The following SGMS2 variants were observed in gnomAD, a reference collection of about 807,000 sequenced individuals.
SGMS2 encodes phosphatidylcholine:ceramide cholinephosphotransferase 2.
A neutral mutation model predicts 43.8 loss-of-function variants in SGMS2; 21 were observed. That is an observed-to-expected ratio of 0.48 (90% CI 0.34 to 0.69). The LOEUF (loss-of-function observed/expected upper bound fraction) is 0.69, where lower values mean the gene tolerates loss of function less well. Among genes scored for constraint, SGMS2 ranks in the 30% least tolerant of loss-of-function variants. The pLI is 0.01. For synonymous variants in SGMS2, 167 were observed against 160.6 expected, an observed-to-expected ratio of 1.04 and a Z score of -0.30; for missense variants, 384 against 443.2, an observed-to-expected ratio of 0.87 and a Z score of 1.20.
Position 107,914,876 on chromosome 4 carries a change from A to G in SGMS2, c.*4323A>G, listed in dbSNP as rs1490433428. Reference sequence around the variant, plus strand: ...TTATACTTCTATAATGTTGTCTTACATTTACATTTTTAAGTGCCTAATTGT... The same window carrying G: ...TTATACTTCTATAATGTTGTCTTACGTTTACATTTTTAAGTGCCTAATTGT... On this transcript the variant is annotated 3_prime_UTR_variant, in exon 7 of 7. Transcript: ENST00000690982. 2 of 152,174 alleles carry G rather than the reference A, an allele frequency of 1.3e-5. No homozygotes were observed. Among genetic ancestry groups the G allele is most frequent in the African/African-American group, 4.8e-5 (2 of 41,462 alleles). The allele number at this position is 152,174 out of a possible 1,614,324, so 9.4% of individuals were successfully genotyped here. A position where few individuals can be genotyped will look rare whatever the true frequency, so the allele number is the denominator to read the frequency against.
At chr4:107,880,101 C>A (rs559991155) in intron 2 of SGMS2, among the ~76,000 whole-genome samples, 1 of 152,136 alleles carries the variant, frequency 6.6e-6, no homozygotes, top group Non-Finnish European at 1.5e-5. Context: ...GCCCTCTACC[C>A]AAGCATATCT....
chr4:107,828,365 T>C (rs577952511), intron 1 of SGMS2, among the ~76,000 whole-genome samples: 115 of 152,316 alleles, frequency 7.6e-4, no homozygotes, highest in African/African-American at 2.7e-3. Context: ...TTACTGAGGA[T>C]ACAACTGTTT....
rs531951293 is a variant in SGMS2, at chr4:107,828,566, C to CT, written c.-327+3314dup. Among the ~76,000 whole-genome samples the CT allele has an allele frequency of 8.4e-4, 128 of 152,338 alleles. 1 individual carries two copies. In the South Asian group the frequency reaches 0.025, roughly 30 times the overall value. On this transcript the variant is annotated intron_variant, in intron 1 of 6. Coordinates refer to ENST00000690982, the MANE Select transcript of SGMS2 (RefSeq NM_001375905.1). ...TTGTGGCTGTGTCTCAACCAGTCCC[C>CT]TATCGCTGAACACTTAGTTTGTTGC...
chr4:107,862,036 G>A (rs952250668), intron 2 of SGMS2, among the ~76,000 whole-genome samples: 3 of 152,202 alleles, frequency 2.0e-5, no homozygotes, highest in African/African-American at 7.2e-5. Context: ...GACAAGAAGA[G>A]CAAAAACGAA....
At chr4:107,903,202 A>G (rs1731268829) in intron 4 of SGMS2, 31 bp from the exon 5 acceptor site, 4 of 1,611,468 alleles carry the variant, frequency 2.5e-6, no homozygotes, top group Non-Finnish European at 3.4e-6. Context: ...CCACTTGTAA[A>G]TTCCCTTCTT....
chr4:107,910,625 T>A lies in SGMS2; in HGVS notation c.*72T>A. The A allele has an allele frequency of 2.8e-6, 4 of 1,429,846 alleles. No homozygotes were observed. Among genetic ancestry groups the A allele is most frequent in the Non-Finnish European group, 3.8e-6 (4 of 1,054,844 alleles). 88.6% of individuals were successfully genotyped at this position (1,429,846 alleles called of 1,614,324 possible). A position where few individuals can be genotyped will look rare whatever the true frequency, so the allele number is the denominator to read the frequency against. On this transcript the variant is annotated 3_prime_UTR_variant, in exon 7 of 7. Coordinates refer to ENST00000690982, the MANE Select transcript of SGMS2 (RefSeq NM_001375905.1). ...GTAACCAAAGGTATAGTTTTGTTTTTTATTTTAGGAGAACTGACTGGTAAA... is the reference window on the plus strand; with the variant it reads ...GTAACCAAAGGTATAGTTTTGTTTTATATTTTAGGAGAACTGACTGGTAAA...
At chr4:107,879,177 G>A (rs1412908455) in intron 2 of SGMS2, among the ~76,000 whole-genome samples, 1 of 137,528 alleles carries the variant, frequency 7.3e-6, no homozygotes, top group Non-Finnish European at 1.5e-5. Context: ...AGTAAATTTT[G>A]ATGAATTTTG....
intron 6 of SGMS2, among the ~76,000 whole-genome samples, chr4:107,909,695 G>T (rs1483779630): frequency 6.6e-6 from 1 of 152,122 alleles, no homozygotes; most frequent in Admixed American, 6.5e-5. Flanking sequence ...CCTAGTCTTG[G>T]TATGTGTCCT....
chr4:107,896,664 G>C (rs567343227), intron 3 of SGMS2, among the ~76,000 whole-genome samples: 22 of 152,260 alleles, frequency 1.4e-4, no homozygotes, highest in Non-Finnish European at 3.1e-4. Context: ...CACCACAAAG[G>C]AGCTCATGGT....
chr4:107,903,101 C>A, intron 4 of SGMS2, 132 bp from the exon 5 acceptor site: 1 of 814,676 alleles, frequency 1.2e-6, no homozygotes, highest in Admixed American at 2.1e-5. Flanking sequence ...TCCTTGGATT[C>A]TTTTTGACTT....
At chr4:107,908,796 G>A (rs191550123) in intron 6 of SGMS2, 65 bp downstream of exon 6, 55 of 1,480,170 alleles carry the variant, frequency 3.7e-5, no homozygotes, top group South Asian at 2.0e-4. Flanking sequence ...TTTTCATGTC[G>A]TGGGGTTTTA....
chr4:107,841,925 T>G (rs1726533800), intron 1 of SGMS2, among the ~76,000 whole-genome samples: 1 of 152,148 alleles, frequency 6.6e-6, no homozygotes, highest in African/African-American at 2.4e-5. Flanking sequence ...TGCTGGAACT[T>G]ACAGGCATGA....
At chr4:107,884,024 AT>A (rs1431158671) in intron 2 of SGMS2, among the ~76,000 whole-genome samples, 2 of 152,198 alleles carry the variant, frequency 1.3e-5, no homozygotes, top group Non-Finnish European at 2.9e-5. Flanking sequence ...AATTTTTAAT[AT>A]TTTCTACAGT....
At chr4:107,850,915 G>A (rs1233632717) in intron 1 of SGMS2, among the ~76,000 whole-genome samples, 1 of 152,116 alleles carries the variant, frequency 6.6e-6, no homozygotes, top group African/African-American at 2.4e-5. Flanking sequence ...CCTTCTACGA[G>A]TGTACCCCTC....
chr4:107,899,659 T>C lies in SGMS2; in HGVS notation c.540T>C (p.Pro180=). 6.2e-7 allele frequency: 1 copy of C among 1,612,862 alleles called. No individual in the cohort carries two copies. Among genetic ancestry groups the C allele is most frequent in the Non-Finnish European group, 8.5e-7 (1 of 1,179,424 alleles). The change falls in exon 4 of 7, where the codon CCT becomes CCC. Residue 180 remains proline, a synonymous_variant. Transcript: ENST00000690982. ...TTACAATGTATGTTACTACTCTACCTGTGCCTGGAATGCATTTCCAGTGTG... is the reference window on the plus strand; with the variant it reads ...TTACAATGTATGTTACTACTCTACCCGTGCCTGGAATGCATTTCCAGTGTG... The part of the protein sequence containing the change: ...RCITMYVTTL[P]VPGMHFQCAP...
chr4:107,908,993 C>G (rs1366437656), intron 6 of SGMS2, among the ~76,000 whole-genome samples: 1 of 152,090 alleles, frequency 6.6e-6, no homozygotes, highest in Non-Finnish European at 1.5e-5. Flanking sequence ...AATATATGTA[C>G]TAAATTAAAA....
At chr4:107,857,712 C>G (rs1269845179) in intron 1 of SGMS2, among the ~76,000 whole-genome samples, 4 of 152,132 alleles carry the variant, frequency 2.6e-5, no homozygotes, top group Non-Finnish European at 5.9e-5. Flanking sequence ...CATTGAAAGA[C>G]TGCAGCAACT....
At chr4:107,874,233 C>G (rs909476511) in intron 2 of SGMS2, 3 of 152,124 alleles carry the variant, frequency 2.0e-5, no homozygotes, top group Admixed American at 1.3e-4. Context: ...GCCACCAAAG[C>G]TTTGTGATGG....
chr4:107,858,610 T>C (rs1727553705), intron 2 of SGMS2, 57 bp downstream of exon 2: 1 of 152,262 alleles, frequency 6.6e-6, no homozygotes, highest in Non-Finnish European at 1.5e-5. Flanking sequence ...CCTGCTGCTA[T>C]AGCATGAGTC....
Sources: allele counts gnomAD v4.1 joint callset (sites outside exome capture counted in the v4.1 genomes callset), GRCh38; gene constraint gnomAD v4.1.1; transcripts MANE v1.5; gene names NCBI Gene and HGNC (gene_info 2026-07-23, HGNC 2026-07-21).